The following SCFD2 variants were observed in gnomAD, a reference collection of about 807,000 sequenced individuals.
SCFD2 encodes the protein sec1 family domain-containing protein 2.
Under a neutral mutation model 58.9 loss-of-function variants are expected in SCFD2, and 54 were observed. That is an observed-to-expected ratio of 0.92 (90% CI 0.74 to 1.15). The LOEUF (loss-of-function observed/expected upper bound fraction) is 1.15, where lower values mean the gene tolerates loss of function less well. Ranked by LOEUF, SCFD2 falls within the 50% of genes most tolerant of loss-of-function variation. The pLI, the probability that SCFD2 is intolerant of heterozygous loss-of-function variation, is 0.00. For synonymous variants in SCFD2, 321 were observed against 335.9 expected (o/e 0.96, Z 0.49); for missense variants, 805 against 836.6 (o/e 0.96, Z 0.47).
intron 2 of SCFD2, among the ~76,000 whole-genome samples, chr4:53,349,794 T>A (rs1734160305): frequency 6.6e-6 from 1 of 152,218 alleles, no homozygotes; most frequent in Non-Finnish European, 1.5e-5. Flanking sequence ...CTCTGTCCAA[T>A]GATGGGCTCT....
chr4:53,073,784 C>T (rs1723892848), intron 5 of SCFD2, among the ~76,000 whole-genome samples: 1 of 152,082 alleles, frequency 6.6e-6, no homozygotes. Context: ...TAGTGTATTA[C>T]ATATGCAATA....
chr4:52,922,287 C>T (rs1435046430), intron 5 of SCFD2, among the ~76,000 whole-genome samples: 2 of 152,148 alleles, frequency 1.3e-5, no homozygotes, highest in East Asian at 3.9e-4. Context: ...ATCACCACCA[C>T]AATTTTATAA....
chr4:53,356,790 G>A (rs930367233), intron 1 of SCFD2, among the ~76,000 whole-genome samples: 1 of 144,840 alleles, frequency 6.9e-6, no homozygotes, highest in Non-Finnish European at 1.5e-5. Flanking sequence ...AGCCTGGAGT[G>A]CAGTGGCGCG....
At chr4:53,317,387 C>T (rs1223600751) in intron 2 of SCFD2, among the ~76,000 whole-genome samples, 2 of 152,172 alleles carry the variant, frequency 1.3e-5, no homozygotes, top group Admixed American at 1.3e-4. Flanking sequence ...ACACATACAC[C>T]TATATCAGCA....
intron 3 of SCFD2, among the ~76,000 whole-genome samples, chr4:53,293,170 G>A (rs746179861): frequency 5.3e-5 from 8 of 152,134 alleles, no homozygotes; most frequent in Non-Finnish European, 1.0e-4. Context: ...GGATGGAGCT[G>A]GAAGACATTA....
intron 4 of SCFD2, among the ~76,000 whole-genome samples, chr4:53,266,515 C>A (rs188400729): frequency 6.6e-6 from 1 of 152,258 alleles, no homozygotes; most frequent in Non-Finnish European, 1.5e-5. Flanking sequence ...TACTTTATTT[C>A]TCTTTAGATG....
At chr4:52,894,739 G>C (rs922927092) in intron 7 of SCFD2, among the ~76,000 whole-genome samples, 3 of 152,082 alleles carry the variant, frequency 2.0e-5, no homozygotes, top group African/African-American at 7.2e-5. Context: ...TCTATCCTCT[G>C]GTTGAGAAGT....
At chr4:53,182,124 A>C (rs1205258444) in intron 4 of SCFD2, among the ~76,000 whole-genome samples, 2 of 152,168 alleles carry the variant, frequency 1.3e-5, no homozygotes, top group South Asian at 2.1e-4. Flanking sequence ...GCTACCAATG[A>C]CTTTCTTCAC....
intron 3 of SCFD2, among the ~76,000 whole-genome samples, chr4:53,292,040 G>A (rs1282645040): frequency 1.3e-5 from 2 of 151,806 alleles, no homozygotes; most frequent in Middle Eastern, 6.8e-3. Flanking sequence ...ATGAATTAAA[G>A]ACTTAAATGT....
At chr4:53,247,238 A>T (rs569247000) in intron 4 of SCFD2, among the ~76,000 whole-genome samples, 3 of 152,314 alleles carry the variant, frequency 2.0e-5, no homozygotes, top group Non-Finnish European at 4.4e-5. Context: ...GGCTATTACT[A>T]AAATGTCAAA....
chr4:52,920,616 G>C, intron 6 of SCFD2, 109 bp downstream of exon 6: 2 of 702,682 alleles, frequency 2.8e-6, no homozygotes, highest in South Asian at 3.1e-5. Flanking sequence ...AGATCATCTA[G>C]AACAAACCTT....
At chr4:52,983,155 A>C (rs1223647736) in intron 5 of SCFD2, among the ~76,000 whole-genome samples, 2 of 152,188 alleles carry the variant, frequency 1.3e-5, no homozygotes, top group African/African-American at 4.8e-5. Flanking sequence ...CAAAGTGCAC[A>C]AATAAAGGAA....
chr4:53,253,941 A>C (rs1352903731), intron 4 of SCFD2, among the ~76,000 whole-genome samples: 1 of 151,988 alleles, frequency 6.6e-6, no homozygotes, highest in Non-Finnish European at 1.5e-5. Flanking sequence ...TGTCCTTTGC[A>C]GGAACATGGA....
intron 5 of SCFD2, among the ~76,000 whole-genome samples, chr4:53,117,838 A>G (rs1725368556): frequency 6.6e-6 from 1 of 152,250 alleles, no homozygotes; most frequent in South Asian, 2.1e-4. Context: ...GGGCTTCTTT[A>G]AAAAGCAAGA....
At chr4:53,252,107 C>T (rs1160987994) in intron 4 of SCFD2, among the ~76,000 whole-genome samples, 2 of 148,204 alleles carry the variant, frequency 1.3e-5, no homozygotes, top group Non-Finnish European at 3.0e-5. Flanking sequence ...AACAGAGAGC[C>T]AAATCATGAG....
intron 4 of SCFD2, among the ~76,000 whole-genome samples, chr4:53,232,479 T>C (rs551352561): frequency 1.2e-4 from 18 of 152,332 alleles, no homozygotes; most frequent in African/African-American, 4.3e-4. Context: ...TTGCATTTTA[T>C]GTTAGGAAAG....
At chr4:53,198,224 T>C (rs933459948) in intron 4 of SCFD2, among the ~76,000 whole-genome samples, 8 of 152,096 alleles carry the variant, frequency 5.3e-5, no homozygotes, top group Non-Finnish European at 1.2e-4. Context: ...CAATAATTAC[T>C]GTATTTGACT....
rs1719382889 is a variant in SCFD2, at chr4:52,907,740, G to GTGTC, written c.1708-153_1708-150dup. 4.5e-6 allele frequency: 3 copies of GTGTC among 659,888 alleles called. No individual in the cohort carries two copies. The South Asian group carries it at 6.1e-5, about 13-fold the overall frequency. The allele number at this position is 659,888 out of a possible 1,614,324, so 40.9% of individuals were successfully genotyped here. On this transcript the variant is annotated intron_variant, in intron 6 of 8. Transcript: ENST00000401642. ...TGTGTGTGTGTGTGTGTGTGTGTGTGTGTCACAGAAAAGACAATATAACAA... is the reference window on the plus strand; with the variant it reads ...TGTGTGTGTGTGTGTGTGTGTGTGTGTGTCTGTCACAGAAAAGACAATATAACAA...
intron 4 of SCFD2, among the ~76,000 whole-genome samples, chr4:53,189,364 A>G (rs953086954): frequency 4.6e-5 from 7 of 152,214 alleles, no homozygotes; most frequent in Non-Finnish European, 1.5e-5. Context: ...AAAGGAGACA[A>G]TAAATATGGG....
Sources: gnomAD v4.1 joint callset for allele counts (sites outside exome capture counted in the v4.1 genomes callset) on GRCh38, gnomAD v4.1.1 for gene constraint, MANE v1.5 for transcripts, NCBI Gene and HGNC (gene_info 2026-07-23, HGNC 2026-07-21) for gene names.